HNF4G: variants seen among roughly 807,000 people sequenced by gnomAD.
HNF4G encodes the protein hepatocyte nuclear factor 4-gamma.
Under a neutral mutation model 50.9 loss-of-function variants are expected in HNF4G, and 21 were observed. The observed-to-expected ratio is 0.41, with a 90% CI of 0.29 to 0.59. The LOEUF (loss-of-function observed/expected upper bound fraction) is 0.59, where lower values mean the gene tolerates loss of function less well. HNF4G is among the 20% of genes least tolerant of loss of function. The pLI is 0.26. For synonymous variants in HNF4G, 198 were observed against 185.6 expected, an observed-to-expected ratio of 1.07 and a Z score of -0.54; for missense variants, 527 against 559.4, an observed-to-expected ratio of 0.94 and a Z score of 0.58.
At chr8:75,440,705 C>G (rs772778917) in intron 1 of HNF4G, among the ~76,000 whole-genome samples, 2 of 152,046 alleles carry the variant, frequency 1.3e-5, no homozygotes, top group Non-Finnish European at 2.9e-5. Context: ...AAACTAAATA[C>G]ACAAATTTTA....
rs942799817 is a variant in HNF4G, at chr8:75,566,094, C to G, written c.*1998C>G. ...GGCTGCTGTAATGAAATACTATGAACTTGGCAGCTTATAAACAACAGAAAT... is the reference window on the plus strand; with the variant it reads ...GGCTGCTGTAATGAAATACTATGAAGTTGGCAGCTTATAAACAACAGAAAT... On this transcript the variant is annotated 3_prime_UTR_variant, in exon 10 of 10. Transcript: ENST00000396423. 6.6e-6 allele frequency: 1 copy of G among 151,920 alleles called. No individual in the cohort carries two copies. The highest frequency in any genetic ancestry group is 1.5e-5 in the Non-Finnish European group (1 of 68,022). The allele number at this position is 151,920 out of a possible 1,614,324, so 9.4% of individuals were successfully genotyped here.
At chr8:75,486,685 G>A (rs1812504416) in intron 1 of HNF4G, among the ~76,000 whole-genome samples, 1 of 152,058 alleles carries the variant, frequency 6.6e-6, no homozygotes, top group Non-Finnish European at 1.5e-5. Context: ...GTTGATTTTG[G>A]AATTTCACTT....
intron 1 of HNF4G, among the ~76,000 whole-genome samples, chr8:75,449,531 G>T: frequency 7.7e-6 from 1 of 129,480 alleles, no homozygotes; most frequent in Non-Finnish European, 1.6e-5. Flanking sequence ...TTTTGAGACG[G>T]AGTCTCACTC....
intron 4 of HNF4G, among the ~76,000 whole-genome samples, chr8:75,552,435 T>C (rs1271036445): frequency 6.6e-6 from 1 of 152,162 alleles, no homozygotes; most frequent in Non-Finnish European, 1.5e-5. Context: ...TATTTTTATA[T>C]AGTCTAAAAT....
chr8:75,552,073 T>C (rs1348060041), intron 4 of HNF4G, among the ~76,000 whole-genome samples: 1 of 152,196 alleles, frequency 6.6e-6, no homozygotes, highest in Non-Finnish European at 1.5e-5. Context: ...TATAAAGAAA[T>C]CCTTAAATCA....
chr8:75,437,796 T>C (rs1427992987), intron 1 of HNF4G, among the ~76,000 whole-genome samples: 2 of 152,074 alleles, frequency 1.3e-5, no homozygotes, highest in Admixed American at 6.5e-5. Context: ...TCGGTAGACA[T>C]AATTATATTT....
At position 75,540,003 on chromosome 8, in the gene HNF4G, C is replaced by T. The variant is rs748841025; in HGVS notation, c.41C>T (p.Ala14Val). 6.2e-7 allele frequency: 1 copy of T among 1,604,114 alleles called. No individual in the cohort carries two copies. The highest frequency in any genetic ancestry group is 2.2e-5 in the East Asian group (1 of 44,822). The change falls in exon 1 of 10, where the codon GCA (alanine) becomes GTA (valine). Residue 14 changes from alanine (A) to valine (V), a missense_variant. Ala to Val is a moderately conservative substitution (Grantham distance 64, BLOSUM62 0). This residue lies in a region of HNF4G where 84 missense variants were observed against 87.1 expected (regional missense o/e 0.96). Transcript: ENST00000396423. ...VSEPILDMDM[A>V]NYSEVLDPTY... ...GAACCAATACTGGACATGGACATGGCAAATTACAGTGAAGTTTTGGACCCA... is the reference window on the plus strand; with the variant it reads ...GAACCAATACTGGACATGGACATGGTAAATTACAGTGAAGTTTTGGACCCA...
rs150301972 is a variant in HNF4G at position 75,449,655 on chromosome 8, C to T, written c.-143-40434C>T. Among the ~76,000 whole-genome samples, 123 of 151,780 alleles carry T rather than the reference C, an allele frequency of 8.1e-4. 2 individuals are homozygous for T. The highest frequency in any genetic ancestry group is 1.0e-3 in the African/African-American group (43 of 41,416). On this transcript the variant is annotated intron_variant, in intron 1 of 10. Coordinates refer to the HNF4G transcript ENST00000354370. ...CCTTGTAGCTGGGACTACAGGCTCCCGCCACCACGCCAGGCTAATTTTTTT... is the reference window on the plus strand; with the variant it reads ...CCTTGTAGCTGGGACTACAGGCTCCTGCCACCACGCCAGGCTAATTTTTTT...
chr8:75,472,736 A>ATCACTGTT (rs1369838392), intron 1 of HNF4G, among the ~76,000 whole-genome samples: 1 of 152,180 alleles, frequency 6.6e-6, no homozygotes, highest in African/African-American at 2.4e-5. Flanking sequence ...GGCATGGATG[A>ATCACTGTT]TCACTGTTTT....
intron 2 of HNF4G, among the ~76,000 whole-genome samples, chr8:75,524,635 T>C (rs1453654684): frequency 6.6e-6 from 1 of 152,108 alleles, no homozygotes; most frequent in Admixed American, 6.6e-5. Flanking sequence ...AGGGAAAAGA[T>C]GGAGTAAGTA....
intron 1 of HNF4G, among the ~76,000 whole-genome samples, chr8:75,434,637 G>T (rs1411735301): frequency 6.6e-6 from 1 of 150,698 alleles, no homozygotes; most frequent in African/African-American, 2.5e-5. Flanking sequence ...ATTTGGAAAC[G>T]CTTAACAAAA....
intron 1 of HNF4G, among the ~76,000 whole-genome samples, chr8:75,441,566 T>C (rs766757492): frequency 2.6e-5 from 4 of 152,164 alleles, no homozygotes; most frequent in Non-Finnish European, 5.9e-5. Context: ...TTTTTAAGTG[T>C]ACAAGAAAAT....
chr8:75,558,366 A>G, intron 6 of HNF4G, 152 bp from the exon 7 acceptor site: 1 of 636,466 alleles, frequency 1.6e-6, no homozygotes, highest in South Asian at 2.4e-5. Context: ...TTTCTAGCAT[A>G]ACTAACAACA....
At chr8:75,437,118 G>C (rs930108869) in intron 1 of HNF4G, among the ~76,000 whole-genome samples, 1 of 152,168 alleles carries the variant, frequency 6.6e-6, no homozygotes, top group Non-Finnish European at 1.5e-5. Context: ...CATTCCAAAA[G>C]CTGGGAGAAA....
intron 1 of HNF4G, among the ~76,000 whole-genome samples, chr8:75,541,713 AATGC>A (rs1175972181): frequency 6.6e-6 from 1 of 152,018 alleles, no homozygotes; most frequent in Non-Finnish European, 1.5e-5. Context: ...ATATCTTTTG[AATGC>A]ATATAGATTT....
chr8:75,496,036 A>G (rs1052266410), intron 2 of HNF4G, among the ~76,000 whole-genome samples: 1 of 152,128 alleles, frequency 6.6e-6, no homozygotes, highest in Non-Finnish European at 1.5e-5. Flanking sequence ...ACTAATATCT[A>G]ATAATTGAAT....
rs147095207 is a variant in HNF4G, at chr8:75,411,208, TTGCTTGC to T, written c.-144+3050_-144+3056del. ...ATGGCTGCTCCATGTCCTCATTGAGTTGCTTGCTGCACAAAGGTGCCTAACTGAGCAG... is the reference window on the plus strand; with the variant it reads ...ATGGCTGCTCCATGTCCTCATTGAGTTGCACAAAGGTGCCTAACTGAGCAG... On this transcript the variant is annotated intron_variant, in intron 1 of 10. Transcript: ENST00000354370. Among the ~76,000 whole-genome samples the T allele has an allele frequency of 0.01, 1,530 of 152,250 alleles. 58 individuals carry two copies. The East Asian group carries it at 0.14, about 14-fold the overall frequency.
chr8:75,463,897 C>G (rs1811909794), intron 1 of HNF4G, among the ~76,000 whole-genome samples: 1 of 151,740 alleles, frequency 6.6e-6, no homozygotes, highest in Admixed American at 6.6e-5. Context: ...GCCTCAGCCT[C>G]CCGAGTAGCT....
At chr8:75,413,257 A>G (rs1203237349) in intron 1 of HNF4G, among the ~76,000 whole-genome samples, 3 of 143,600 alleles carry the variant, frequency 2.1e-5, no homozygotes, top group Non-Finnish European at 4.6e-5. Context: ...ATTTTGGAAA[A>G]TGGGTTAAAG....
Sources: allele counts gnomAD v4.1 joint callset (sites outside exome capture counted in the v4.1 genomes callset), GRCh38; gene constraint gnomAD v4.1.1; regional missense constraint gnomAD v4.1.1; transcripts MANE v1.5; gene names NCBI Gene and HGNC (gene_info 2026-07-23, HGNC 2026-07-21).